Variants in PARP4 observed in about 807,000 individuals in gnomAD.
PARP4 encodes poly(ADP-ribose) polymerase family member 4, also known as protein mono-ADP-ribosyltransferase PARP4.
PARP4 carries 120 observed loss-of-function variants against 187.7 expected under a neutral mutation model. The observed-to-expected ratio is 0.64, with a 90% confidence interval of 0.55 to 0.74. The LOEUF is 0.74. Among genes scored for constraint, PARP4 ranks in the 30% least tolerant of loss-of-function variants. The pLI is 0.00. For synonymous variants in PARP4, 654 were observed against 740.9 expected (o/e 0.88, Z 1.90); for missense variants, 1,836 against 2,070.5 (o/e 0.89, Z 2.20).
chr13:24,465,594 G>A lies in PARP4; in HGVS notation c.2133+3430C>T, dbSNP rs549801817. The stretch of plus-strand genomic sequence containing the variant: ...ATGAGAACACATGGACACAGGGAGG[G>A]AAACAACATACACTGGGGCCTGTAG... On this transcript the variant is annotated intron_variant, in intron 17 of 33. Coordinates refer to ENST00000381989, the MANE Select transcript of PARP4 (RefSeq NM_006437.4). Among the ~76,000 whole-genome samples, 29 of 152,256 alleles carry A rather than the reference G, an allele frequency of 1.9e-4. 1 individual carries two copies. In the South Asian group the frequency reaches 6.0e-3, roughly 32 times the overall value.
chr13:24,499,443 A>T (rs1194184552), intron 4 of PARP4, 67 bp from the exon 5 acceptor site: 9 of 1,364,748 alleles, frequency 6.6e-6, no homozygotes, highest in African/African-American at 1.5e-5. Flanking sequence ...AGAATTTCAT[A>T]AATTTTTTCT....
chr13:24,429,366 C>A (rs533398796), intron 32 of PARP4, among the ~76,000 whole-genome samples: 1 of 152,142 alleles, frequency 6.6e-6, no homozygotes, highest in African/African-American at 2.4e-5. Flanking sequence ...TATTGTCCTG[C>A]TTCTTCGTAT....
At chr13:24,500,906 A>G (rs945028654) in intron 3 of PARP4, among the ~76,000 whole-genome samples, 3 of 152,228 alleles carry the variant, frequency 2.0e-5, no homozygotes, top group Admixed American at 6.5e-5. Flanking sequence ...AAGGATCATC[A>G]GTGTATTTGT....
intron 1 of PARP4, among the ~76,000 whole-genome samples, chr13:24,509,620 T>C (rs557581142): frequency 2.0e-5 from 3 of 152,326 alleles, no homozygotes; most frequent in African/African-American, 7.2e-5. Context: ...TACATAATAG[T>C]TACATACATA....
At chr13:24,509,864 TA>T (rs1167926722) in intron 1 of PARP4, among the ~76,000 whole-genome samples, 1 of 152,032 alleles carries the variant, frequency 6.6e-6, no homozygotes, top group Non-Finnish European at 1.5e-5. Context: ...CACGCCCAGC[TA>T]ATTTTTGTAT....
At chr13:24,455,506 T>TATATATATATATATATATATAA (rs1555234626) in intron 21 of PARP4, among the ~76,000 whole-genome samples, 4 of 135,480 alleles carry the variant, frequency 3.0e-5, no homozygotes, top group African/African-American at 2.7e-5. Flanking sequence ...TATATATATA[T>TATATATATATATATATATATAA]CACACTATTC....
intron 10 of PARP4, 115 bp downstream of exon 10, chr13:24,490,553 G>C (rs73463197): frequency 1.2e-6 from 1 of 827,190 alleles, no homozygotes; most frequent in African/African-American, 1.7e-5. Flanking sequence ...TCACACCACC[G>C]CTACTGTGGC....
intron 27 of PARP4, among the ~76,000 whole-genome samples, chr13:24,444,050 A>G (rs1871084921): frequency 6.6e-6 from 1 of 152,214 alleles, no homozygotes; most frequent in African/African-American, 2.4e-5. Flanking sequence ...CATTTTATTT[A>G]AAAAATTGAA....
At chr13:24,429,077 G>A (rs1870204774) in intron 32 of PARP4, among the ~76,000 whole-genome samples, 1 of 151,930 alleles carries the variant, frequency 6.6e-6, no homozygotes, top group African/African-American at 2.4e-5. Flanking sequence ...CGAATTAAAT[G>A]ATTTTTTTCC....
intron 30 of PARP4, among the ~76,000 whole-genome samples, chr13:24,440,687 C>T (rs781260443): frequency 1.7e-4 from 26 of 152,204 alleles, no homozygotes; most frequent in East Asian, 5.8e-4. Context: ...GAGAGTGAAG[C>T]GCGGGCTGGG....
At position 24,493,640 on chromosome 13, in the gene PARP4, C is replaced by T. The variant is rs781719495; in HGVS notation, c.835G>A (p.Glu279Lys). 6.2e-7 allele frequency: 1 copy of T among 1,613,982 alleles called. No individual in the cohort carries two copies. Among genetic ancestry groups the T allele is most frequent in the Admixed American group, 1.7e-5 (1 of 59,994 alleles). Residue 279 changes from glutamate to lysine, a missense_variant, in exon 8 of 34, where the codon GAA becomes AAA. Around this residue, in one of 8 missense-constraint regions of PARP4, gnomAD observed 1,147 missense variants for 1,214.2 expected, o/e 0.94. Coordinates refer to ENST00000381989, the MANE Select transcript of PARP4 (RefSeq NM_006437.4). ...TTCACTGGCTTGAGAAGCATGTGTT[C>T]CAGGTGGCCCAGGGCCTCTGCCCAA... ...MIWAEALGHL[E>K]HMLLKPVNRI... is the part of the protein sequence containing the mutation.
intron 5 of PARP4, 133 bp from the exon 6 acceptor site, chr13:24,498,362 A>C: frequency 1.6e-6 from 1 of 611,786 alleles, no homozygotes; most frequent in Admixed American, 2.9e-5. Context: ...GAAAAGTATC[A>C]AGAAGAAAAT....
chr13:24,424,694 C>T lies in PARP4; in HGVS notation c.4979+1772G>A, dbSNP rs1482835849. 2.4e-4 allele frequency among the ~76,000 whole-genome samples: 21 copies of T among 88,740 alleles called. No homozygotes were observed. The East Asian group carries it at 5.7e-3, about 24-fold the overall frequency. The allele number at this position is 88,740 out of a possible 152,430, so 58.2% of individuals were successfully genotyped here. ...TGTACTTTTTTTTTTTTTTTTGAGACGGAGTCTCACTCTGTCACCCAGGCT... is the reference window on the plus strand; with the variant it reads ...TGTACTTTTTTTTTTTTTTTTGAGATGGAGTCTCACTCTGTCACCCAGGCT... On this transcript the variant is annotated intron_variant, in intron 33 of 33. Coordinates refer to ENST00000381989, the MANE Select transcript of PARP4 (RefSeq NM_006437.4).
At chr13:24,448,217 A>T (rs1871310290) in intron 25 of PARP4, among the ~76,000 whole-genome samples, 1 of 152,126 alleles carries the variant, frequency 6.6e-6, no homozygotes, top group Non-Finnish European at 1.5e-5. Flanking sequence ...CTCAAAAAAC[A>T]CCAACGACAA....
At chr13:24,512,452 GC>G (rs1870065480) in intron 1 of PARP4, among the ~76,000 whole-genome samples, 1 of 152,152 alleles carries the variant, frequency 6.6e-6, no homozygotes, top group Non-Finnish European at 1.5e-5. Context: ...TCCGGTGGGC[GC>G]CCCCCACCGC....
chr13:24,434,870 G>T lies in PARP4; in HGVS notation c.4271C>A (p.Pro1424His). 1 of 1,614,154 alleles carries T rather than the reference G, an allele frequency of 6.2e-7. No individual in the cohort carries two copies. Among genetic ancestry groups the T allele is most frequent in the Non-Finnish European group, 8.5e-7 (1 of 1,180,028 alleles). Residue 1424 changes from proline (P) to histidine (H), a missense_variant, in exon 31 of 34, where the codon CCT (proline) becomes CAT (histidine). By Grantham distance (77) the Pro-to-His change is moderately conservative. Coordinates refer to ENST00000381989, the MANE Select transcript of PARP4 (RefSeq NM_006437.4). ...CAGCTCAGGGAAGGTGCCAGCAGAA[G>T]GCCTGGTAGTAAAGCCTCCAGGATG... is the stretch of plus-strand genomic sequence containing the variant. Reference protein sequence around the residue: ...LQHPGGFTTRPSAGTFPELDS... With the variant: ...LQHPGGFTTRHSAGTFPELDS...
chr13:24,493,527 G>A (rs1250120301), intron 8 of PARP4, 69 bp downstream of exon 8: 1 of 1,478,814 alleles, frequency 6.8e-7, no homozygotes, highest in Non-Finnish European at 9.2e-7. Flanking sequence ...AAACACACGT[G>A]TTATTGCTGA....
intron 32 of PARP4, among the ~76,000 whole-genome samples, chr13:24,427,012 T>C (rs1327665086): frequency 1.3e-5 from 2 of 151,416 alleles, no homozygotes; most frequent in African/African-American, 2.4e-5. Context: ...AAATAAAAAA[T>C]GAGGACAGTT....
intron 10 of PARP4, among the ~76,000 whole-genome samples, chr13:24,487,256 CA>C (rs35094936): frequency 0.46 from 50,837 of 110,172 alleles, 9,669 homozygotes; most frequent in South Asian, 0.55. Context: ...AAGGCTCCGT[CA>C]AAAAAAAAAA....
Sources: gnomAD v4.1 joint callset for allele counts (sites outside exome capture counted in the v4.1 genomes callset) on GRCh38, gnomAD v4.1.1 for gene constraint, gnomAD v4.1.1 regional missense constraint, MANE v1.5 for transcripts, NCBI Gene and HGNC (gene_info 2026-07-23, HGNC 2026-07-21) for gene names.